SPATA21: variants seen among roughly 807,000 people sequenced by gnomAD.
SPATA21 encodes the protein spermatogenesis-associated protein 21.
A neutral mutation model predicts 54.8 loss-of-function variants in SPATA21; 47 were observed. The observed-to-expected ratio is 0.86, with a 90% confidence interval of 0.68 to 1.09. SPATA21 has a LOEUF of 1.09. Among genes scored for constraint, SPATA21 ranks in the 50% least tolerant of loss-of-function variants. The pLI, the probability that SPATA21 is intolerant of heterozygous loss-of-function variation, is 0.00. For synonymous variants in SPATA21, 245 were observed against 235.3 expected, an observed-to-expected ratio of 1.04 and a Z score of -0.38; for missense variants, 599 against 596.4, an observed-to-expected ratio of 1.00 and a Z score of -0.05.
intron 3 of SPATA21, among the ~76,000 whole-genome samples, chr1:16,429,014 A>C (rs1392736886): frequency 6.6e-6 from 1 of 152,068 alleles, no homozygotes; most frequent in East Asian, 1.9e-4. Context: ...TGGGTGGATG[A>C]AGGAAGCCCT....
At chr1:16,414,807 C>T (rs917560630) in intron 5 of SPATA21, among the ~76,000 whole-genome samples, 7 of 138,444 alleles carry the variant, frequency 5.1e-5, no homozygotes, top group African/African-American at 8.1e-5. Flanking sequence ...GCAGGAGAAT[C>T]GCTTAAACCT....
intron 5 of SPATA21, chr1:16,410,763 T>C: frequency 2.9e-6 from 1 of 342,890 alleles, no homozygotes; most frequent in Non-Finnish European, 6.0e-6. Context: ...CCCAGGCTGG[T>C]CTGGAACTCC....
At chr1:16,418,560 C>T (rs1570167568) in intron 5 of SPATA21, among the ~76,000 whole-genome samples, 1 of 151,990 alleles carries the variant, frequency 6.6e-6, no homozygotes, top group East Asian at 1.9e-4. Context: ...GCATGAGCCA[C>T]CATACCCTCT....
chr1:16,432,140 G>C (rs540188715), intron 2 of SPATA21, among the ~76,000 whole-genome samples: 18 of 70,736 alleles, frequency 2.5e-4, no homozygotes, highest in Non-Finnish European at 4.2e-4. Context: ...TGTTTGTTTT[G>C]AGACAGAGTC....
intron 5 of SPATA21, among the ~76,000 whole-genome samples, chr1:16,411,279 T>G (rs1440245409): frequency 6.6e-6 from 1 of 152,260 alleles, no homozygotes; most frequent in East Asian, 1.9e-4. Flanking sequence ...CTTGAATTCC[T>G]GGGCTCAAGA....
At chr1:16,427,663 T>C (rs1290676974) in intron 3 of SPATA21, among the ~76,000 whole-genome samples, 1 of 152,108 alleles carries the variant, frequency 6.6e-6, no homozygotes, top group East Asian at 1.9e-4. Context: ...TAAAAGATGT[T>C]TGTGGTCTCG....
chr1:16,399,554 T>C (rs532617348), intron 11 of SPATA21, 33 bp from the exon 12 acceptor site: 18 of 1,602,010 alleles, frequency 1.1e-5, no homozygotes, highest in Middle Eastern at 1.7e-4. Context: ...GAGGAATGCT[T>C]CACAGCATGC....
At chr1:16,430,844 T>C (rs2086440260) in intron 3 of SPATA21, among the ~76,000 whole-genome samples, 1 of 152,222 alleles carries the variant, frequency 6.6e-6, no homozygotes, top group Non-Finnish European at 1.5e-5. Context: ...ATGACAGTGA[T>C]GCTAGAGACT....
Position 16,409,594 on chromosome 1 carries a change from C to T in SPATA21, c.587+7G>A, listed in dbSNP as rs1296264309. ...GGAGCGGGCGGGTGAGCAGCGGGGG[C>T]TCCTACCGCGCCTTGGCGTAGCTCA... On this transcript the variant is annotated splice_region_variant and intron_variant, in intron 6 of 12. Transcript: ENST00000335496. This position sits in a 1 kb window ranked among gnomAD's most constrained non-coding sequence, Gnocchi z 4.1. The T allele has an allele frequency of 1.9e-6, 3 of 1,607,330 alleles. No individual in the cohort carries two copies. Among genetic ancestry groups the T allele is most frequent in the South Asian group, 1.1e-5 (1 of 90,202 alleles).
chr1:16,433,489 T>G (rs1472624119), intron 1 of SPATA21, among the ~76,000 whole-genome samples: 4 of 152,224 alleles, frequency 2.6e-5, no homozygotes. Flanking sequence ...CCGCTTCCTC[T>G]GAGTCTTCCT....
intron 3 of SPATA21, among the ~76,000 whole-genome samples, chr1:16,426,569 ATATATATATATT>A (rs1264270538): frequency 8.7e-6 from 1 of 114,498 alleles, no homozygotes; most frequent in African/African-American, 3.5e-5. Flanking sequence ...ATATATATAT[ATATATATATATT>A]TTTTTTTTTT....
At chr1:16,404,893 A>T in intron 8 of SPATA21, 74 bp downstream of exon 8, 2 of 1,435,486 alleles carry the variant, frequency 1.4e-6, no homozygotes, top group Non-Finnish European at 1.8e-6. Flanking sequence ...GCAGAGCCTC[A>T]TGCAACTGCA....
intron 7 of SPATA21, chr1:16,408,587 A>G (rs2085721967): frequency 1.0e-6 from 1 of 968,652 alleles, no homozygotes; most frequent in Non-Finnish European, 1.2e-6. Flanking sequence ...AAGACCTAGC[A>G]CGAGGCTGGG....
In SPATA21 at chr1:16,403,749, C is replaced by T. The variant is rs761394208; in HGVS notation, c.979G>A (p.Ala327Thr). Residue 327 changes from alanine to threonine, a missense_variant, in exon 10 of 13, where the codon GCA becomes ACA. Physicochemically the swap from Ala to Thr is moderately conservative, Grantham distance 58. Transcript: ENST00000335496. ...LLVEMLALPE[A>T]VLEEITNYYQ... is the part of the protein sequence containing the mutation. ...CACTTTGTGATTTCCTCTAAGACTG[C>T]CTCTGGTAAGGCCAGCATCTCTACC... 1.2e-6 allele frequency: 2 copies of T among 1,613,930 alleles called. No homozygotes were observed. The highest frequency in any genetic ancestry group is 1.3e-5 in the African/African-American group (1 of 74,904).
chr1:16,400,828 G>A lies in SPATA21; in HGVS notation c.1066C>T (p.Arg356Trp), dbSNP rs769384885. The A allele has an allele frequency of 5.0e-6, 8 of 1,614,098 alleles. No homozygotes were observed. Among genetic ancestry groups the A allele is most frequent in the East Asian group, 4.5e-5 (2 of 44,902 alleles). The change falls in exon 11 of 13, where the codon CGG (arginine) becomes TGG (tryptophan). Residue 356 changes from arginine (R) to tryptophan (W), a missense_variant. Coordinates refer to ENST00000335496, the MANE Select transcript of SPATA21 (RefSeq NM_198546.1). ...KAQEMEAAVG[R>W]LRLQKLPYNP... is the part of the protein sequence containing the mutation. The stretch of plus-strand genomic sequence containing the variant: ...TAGGGAAGCTTCTGCAACCGCAGCC[G>A]GCCTACGGCCGCTTCCATCTCCTGG...
chr1:16,405,108 T>C lies in SPATA21; in HGVS notation c.674-4A>G. On this transcript the variant is annotated splice_polypyrimidine_tract_variant and splice_region_variant and intron_variant, in intron 7 of 12. Coordinates refer to ENST00000335496, the MANE Select transcript of SPATA21 (RefSeq NM_198546.1). The stretch of plus-strand genomic sequence containing the variant: ...ATCTCAAAGTAGCTGCGGAAGGCTG[T>C]GGGGAGGGCAGGGTTATGTGGAGTG... 1 of 1,608,932 alleles carries C rather than the reference T, an allele frequency of 6.2e-7. No individual in the cohort carries two copies. The highest frequency in any genetic ancestry group is 8.5e-7 in the Non-Finnish European group (1 of 1,178,010).
rs1223411773 is a variant in SPATA21, at chr1:16,400,852, G to A, written c.1042C>T (p.Gln348Ter). 1 of 1,613,876 alleles carries A rather than the reference G, an allele frequency of 6.2e-7. No individual in the cohort carries two copies. Among genetic ancestry groups the A allele is most frequent in the South Asian group, 1.1e-5 (1 of 91,082 alleles). Residue 348 changes from glutamine (Q) to a stop codon, truncating the protein, a stop_gained, in exon 11 of 13, where the codon CAG (glutamine) becomes TAG (stop). Coordinates refer to ENST00000335496, the MANE Select transcript of SPATA21 (RefSeq NM_198546.1). LOFTEE classifies it high-confidence loss of function. Reference protein sequence around the residue: ...KKLKEGTCKAQEMEAAVGRLR... With the variant: ...KKLKEGTCKA Reference sequence around the variant, plus strand: ...CGGCCTACGGCCGCTTCCATCTCCTGGGCCTTGCAGGTGCCTTCCTTCAGC... The same window carrying A: ...CGGCCTACGGCCGCTTCCATCTCCTAGGCCTTGCAGGTGCCTTCCTTCAGC...
At chr1:16,406,562 G>A (rs1291193747) in intron 7 of SPATA21, among the ~76,000 whole-genome samples, 1 of 151,684 alleles carries the variant, frequency 6.6e-6, no homozygotes, top group African/African-American at 2.4e-5. Context: ...GGCAACATAA[G>A]AGACTCCATC....
chr1:16,431,436 C>A lies in SPATA21; in HGVS notation c.-51-14G>T. On this transcript the variant is annotated splice_polypyrimidine_tract_variant and intron_variant, in intron 2 of 12. Coordinates refer to ENST00000335496, the MANE Select transcript of SPATA21 (RefSeq NM_198546.1). ...CCTAGTGTGCTCCTACAGGAGAAAT[C>A]CAATCAAGCGTCCCACCAAGCCCAT... is the stretch of plus-strand genomic sequence containing the variant. The A allele has an allele frequency of 1.2e-6, 2 of 1,602,240 alleles. No homozygotes were observed. Among genetic ancestry groups the A allele is most frequent in the South Asian group, 2.2e-5 (2 of 89,100 alleles).
Sources: gnomAD v4.1 joint callset for allele counts (sites outside exome capture counted in the v4.1 genomes callset) on GRCh38, gnomAD v4.1.1 for gene constraint, Gnocchi (gnomAD v3.1) non-coding constraint, MANE v1.5 for transcripts, NCBI Gene and HGNC (gene_info 2026-07-23, HGNC 2026-07-21) for gene names.